SCP2: variants seen among roughly 807,000 people sequenced by gnomAD.
The protein encoded by SCP2 is SCP-2/3-oxoacyl-CoA thiolase.
In SCP2, 48 loss-of-function variants were observed where a neutral mutation model predicts 71.4. The ratio of observed to expected loss-of-function variants is 0.67; its 90% CI spans 0.53 to 0.86. The LOEUF is 0.86. SCP2 is among the 40% of genes least tolerant of loss of function. SCP2 has a pLI of 0.00. For missense variants in SCP2, 560 were observed against 655.6 expected (o/e 0.85, Z 1.59); for synonymous variants, 220 against 218.1 (o/e 1.01, Z -0.08).
intron 14 of SCP2, among the ~76,000 whole-genome samples, chr1:53,044,074 T>G (rs1380381983): frequency 6.6e-6 from 1 of 152,146 alleles, no homozygotes; most frequent in African/African-American, 2.4e-5. Flanking sequence ...CTTTTTTTTT[T>G]TGAGATGGAG....
At chr1:53,034,231 A>G (rs1021593092) in intron 13 of SCP2, among the ~76,000 whole-genome samples, 6 of 151,800 alleles carry the variant, frequency 4.0e-5, no homozygotes, top group Non-Finnish European at 7.4e-5. Context: ...GAGTTGAAAC[A>G]TGCCACTGCA....
intron 11 of SCP2, chr1:52,995,816 G>A: frequency 1.1e-6 from 1 of 943,516 alleles, no homozygotes. Flanking sequence ...GGCCATCCAG[G>A]AGCTCTTCAG....
chr1:52,945,744 A>AATATATATATATATAT (rs147167752), intron 2 of SCP2, among the ~76,000 whole-genome samples: 32 of 145,720 alleles, frequency 2.2e-4, no homozygotes, highest in African/African-American at 8.1e-4. Context: ...AGTTGTGCAT[A>AATATATATATATATAT]ATATATATAT....
rs370191484 is a variant in SCP2, at chr1:53,027,968, G to A, written c.1236-1G>A. On this transcript the variant is annotated splice_acceptor_variant, in intron 12 of 15. Coordinates refer to ENST00000371514, the MANE Select transcript of SCP2 (RefSeq NM_002979.5). LOFTEE classifies it high-confidence loss of function. ...GAATTGAAACAGTTTCTTTTCCCCA[G>A]TTCTTTTAGAACTCATCAAATTGAA... 6.4e-7 allele frequency: 1 copy of A among 1,558,504 alleles called. No individual in the cohort carries two copies. Among genetic ancestry groups the A allele is most frequent in the African/African-American group, 1.4e-5 (1 of 73,790 alleles).
chr1:52,957,812 T>G (rs1655964305), intron 5 of SCP2, among the ~76,000 whole-genome samples: 1 of 152,256 alleles, frequency 6.6e-6, no homozygotes, highest in Non-Finnish European at 1.5e-5. Flanking sequence ...TTGAGTTAAT[T>G]TTTGTGAAGG....
chr1:53,007,120 G>T (rs186984283), intron 11 of SCP2, among the ~76,000 whole-genome samples: 89 of 152,272 alleles, frequency 5.8e-4, no homozygotes, highest in Admixed American at 1.2e-3. Flanking sequence ...GGAGCACCCG[G>T]ATTCATAAAG....
At chr1:52,991,237 A>G (rs929897378) in intron 11 of SCP2, among the ~76,000 whole-genome samples, 1 of 152,190 alleles carries the variant, frequency 6.6e-6, no homozygotes, top group African/African-American at 2.4e-5. Context: ...TAAGTGAGGA[A>G]ATATATGTAT....
intron 11 of SCP2, among the ~76,000 whole-genome samples, chr1:53,007,666 G>A (rs1463628340): frequency 6.6e-6 from 1 of 152,260 alleles, no homozygotes; most frequent in East Asian, 1.9e-4. Flanking sequence ...ATGTACACAA[G>A]AGAAAGCAGG....
chr1:52,961,425 T>C, intron 5 of SCP2, 78 bp from the exon 6 acceptor site: 1 of 1,438,362 alleles, frequency 7.0e-7, no homozygotes, highest in South Asian at 1.2e-5. Context: ...TAAATAAATA[T>C]CTTAATAGCA....
chr1:53,025,833 A>G (rs1482448443), intron 12 of SCP2, among the ~76,000 whole-genome samples: 1 of 152,102 alleles, frequency 6.6e-6, no homozygotes, highest in Non-Finnish European at 1.5e-5. Flanking sequence ...TTTCACTTCC[A>G]TGTTATCATT....
chr1:52,931,548 A>G (rs1653150313), intron 1 of SCP2, among the ~76,000 whole-genome samples: 1 of 152,244 alleles, frequency 6.6e-6, no homozygotes, highest in Non-Finnish European at 1.5e-5. Flanking sequence ...AGTACTTCCC[A>G]GCTGTGAGAA....
intron 10 of SCP2, among the ~76,000 whole-genome samples, chr1:52,987,568 T>C (rs1167662997): frequency 6.6e-6 from 1 of 152,114 alleles, no homozygotes; most frequent in Non-Finnish European, 1.5e-5. Context: ...TCAACAGTGT[T>C]TTCAGACATT....
At chr1:52,945,122 C>T (rs1654655927) in intron 2 of SCP2, among the ~76,000 whole-genome samples, 1 of 152,034 alleles carries the variant, frequency 6.6e-6, no homozygotes, top group Non-Finnish European at 1.5e-5. Flanking sequence ...TGGTGTTATT[C>T]TATTTTAGCA....
intron 12 of SCP2, among the ~76,000 whole-genome samples, chr1:53,017,995 C>A (rs760296470): frequency 6.6e-6 from 1 of 152,142 alleles, no homozygotes; most frequent in Non-Finnish European, 1.5e-5. Context: ...GCTGGGATTA[C>A]AGGTGCTCAC....
At chr1:53,016,700 G>A (rs768570299) in intron 12 of SCP2, among the ~76,000 whole-genome samples, 21 of 152,158 alleles carry the variant, frequency 1.4e-4, no homozygotes, top group Non-Finnish European at 2.5e-4. Flanking sequence ...TGGGTACAGA[G>A]TAGATTATTT....
At position 53,038,848 on chromosome 1, in the gene SCP2, A is replaced by G. The variant is rs1663208357; in HGVS notation, c.1339-69A>G. ...ACTCATATCATGTATCTATTTAAAC[A>G]TGAATTTGCTTGAGGAGAAAGCCAG... On this transcript the variant is annotated intron_variant, in intron 13 of 15. Transcript: ENST00000371514. The G allele has an allele frequency of 4.4e-6, 7 of 1,591,394 alleles. No homozygotes were observed. In the South Asian group the frequency reaches 6.6e-5, roughly 15 times the overall value.
Position 52,941,609 on chromosome 1 carries a change from C to T in SCP2, c.70-187C>T, listed in dbSNP as rs926644317. ...AATTAGCTGGGCATGGTGGTGTGCA[C>T]CTGTAATCCCAGCTACTGGGGTGGC... is the stretch of plus-strand genomic sequence containing the variant. On this transcript the variant is annotated intron_variant, in intron 1 of 15. Coordinates refer to ENST00000371514, the MANE Select transcript of SCP2 (RefSeq NM_002979.5). 3.3e-5 allele frequency among the ~76,000 whole-genome samples: 5 copies of T among 151,940 alleles called. 1 individual carries two copies. The highest frequency in any genetic ancestry group is 1.2e-4 in the African/African-American group (5 of 41,346).
chr1:52,991,883 C>T (rs761395778), intron 11 of SCP2, among the ~76,000 whole-genome samples: 14 of 151,848 alleles, frequency 9.2e-5, no homozygotes, highest in African/African-American at 2.2e-4. Flanking sequence ...AAGTGACAAC[C>T]GTGCAATACC....
intron 11 of SCP2, among the ~76,000 whole-genome samples, chr1:52,998,728 A>C (rs893916005): frequency 2.6e-5 from 4 of 152,208 alleles, no homozygotes; most frequent in Non-Finnish European, 5.9e-5. Flanking sequence ...CAGATTGCCA[A>C]ATTTTCTTCA....
Sources: gnomAD v4.1 joint callset for allele counts (sites outside exome capture counted in the v4.1 genomes callset) on GRCh38, gnomAD v4.1.1 for gene constraint, MANE v1.5 for transcripts, NCBI Gene and HGNC (gene_info 2026-07-23, HGNC 2026-07-21) for gene names.